Variants in ARNT observed in about 807,000 individuals in gnomAD.
The protein encoded by ARNT is class E basic helix-loop-helix protein 2.
A neutral mutation model predicts 105.0 loss-of-function variants in ARNT; 30 were observed. The ratio of observed to expected loss-of-function variants is 0.29; its 90% CI spans 0.21 to 0.39. The LOEUF is 0.39. Ranked by LOEUF, ARNT falls within the 10% of genes least tolerant of loss-of-function variation. The pLI, the probability that ARNT is intolerant of heterozygous loss-of-function variation, is 1.00. For missense variants in ARNT, 748 were observed against 978.7 expected (o/e 0.76, Z 3.15); for synonymous variants, 304 against 344.0 (o/e 0.88, Z 1.29).
chr1:150,829,531 C>A, intron 11 of ARNT: 1 of 598,476 alleles, frequency 1.7e-6, no homozygotes, highest in Non-Finnish European at 3.1e-6. Context: ...TACAAGTAAC[C>A]AAGAAACTTA....
intron 1 of ARNT, 53 bp from the exon 2 acceptor site, chr1:150,858,513 C>G: frequency 7.5e-7 from 1 of 1,332,110 alleles, no homozygotes; most frequent in Non-Finnish European, 1.1e-6. Flanking sequence ...CCTTGCTTAT[C>G]ATCAGTATCA....
intron 14 of ARNT, 83 bp from the exon 15 acceptor site, chr1:150,818,113 G>A (rs1656329415): frequency 3.1e-6 from 3 of 975,652 alleles, no homozygotes; most frequent in Non-Finnish European, 4.7e-6. Flanking sequence ...ATAAGATTCT[G>A]TATGTAAAGC....
intron 1 of ARNT, 75 bp downstream of exon 1, chr1:150,876,468 A>G: frequency 6.6e-7 from 1 of 1,516,424 alleles, no homozygotes; most frequent in South Asian, 1.2e-5. Context: ...GCGTCCCCTC[A>G]GCCCTGGGTC....
chr1:150,817,090 A>G lies in ARNT; in HGVS notation c.1691T>C (p.Ile564Thr). ...DPRFSEIYHN[I>T]NADQSKGISS... ...ATGAGAAAGAAACATACCCGCATTG[A>G]TGTTGTGATAGATTTCTGAAAATCT... The change falls in exon 17 of 22, where the codon ATC becomes ACC. Residue 564 changes from isoleucine (I) to threonine (T), a missense_variant. Coordinates refer to ENST00000358595, the MANE Select transcript of ARNT (RefSeq NM_001668.4). The G allele has an allele frequency of 6.2e-7, 1 of 1,614,174 alleles. No homozygotes were observed. Among genetic ancestry groups the G allele is most frequent in the Non-Finnish European group, 8.5e-7 (1 of 1,180,036 alleles).
intron 1 of ARNT, among the ~76,000 whole-genome samples, chr1:150,862,712 T>TAA (rs56147665): frequency 0.23 from 15,213 of 66,392 alleles, 2,232 homozygotes; most frequent in South Asian, 0.38. Context: ...CCTGCCTCTG[T>TAA]AAAAAAAAAA....
intron 6 of ARNT, among the ~76,000 whole-genome samples, chr1:150,837,772 G>C (rs1018629292): frequency 2.0e-5 from 3 of 151,778 alleles, no homozygotes; most frequent in Non-Finnish European, 4.4e-5. Flanking sequence ...CAGCAGACTT[G>C]AATTTCAAGT....
Position 150,840,330 on chromosome 1 carries a change from T to C in ARNT, c.273-676A>G, listed in dbSNP as rs1177583654. On this transcript the variant is annotated intron_variant, in intron 5 of 21. Transcript: ENST00000358595. ...CTCACTTAAGTTCCTATGGAACATA[T>C]AACCTCAGCTTGGTTAACTCCCATG... 7.2e-5 allele frequency among the ~76,000 whole-genome samples: 11 copies of C among 152,186 alleles called. No individual in the cohort carries two copies. In the East Asian group the frequency reaches 1.9e-3, roughly 27 times the overall value.
At chr1:150,860,118 T>C (rs1021529919) in intron 1 of ARNT, among the ~76,000 whole-genome samples, 1 of 152,060 alleles carries the variant, frequency 6.6e-6, no homozygotes, top group African/African-American at 2.4e-5. Flanking sequence ...ATCTCATTGT[T>C]TTTTGTTAGT....
At chr1:150,831,715 A>C in intron 10 of ARNT, 103 bp downstream of exon 10, 1 of 737,396 alleles carries the variant, frequency 1.4e-6, no homozygotes, top group Non-Finnish European at 2.2e-6. Context: ...TCTTACACAA[A>C]AGTACATTTC....
At chr1:150,816,205 A>G in intron 19 of ARNT, 54 bp downstream of exon 19, 1 of 1,549,506 alleles carries the variant, frequency 6.5e-7, no homozygotes, top group East Asian at 2.4e-5. Flanking sequence ...TACGGAAAAA[A>G]GCCCAAACAA....
intron 3 of ARNT, 109 bp downstream of exon 3, chr1:150,852,653 T>G: frequency 1.1e-6 from 1 of 916,792 alleles, no homozygotes; most frequent in Non-Finnish European, 1.7e-6. Context: ...AGTTTTAGGA[T>G]GAAGTACTCT....
chr1:150,867,427 T>C (rs1402341763), intron 1 of ARNT, among the ~76,000 whole-genome samples: 2 of 149,652 alleles, frequency 1.3e-5, no homozygotes, highest in Non-Finnish European at 3.0e-5. Flanking sequence ...GGCACACACC[T>C]GTAGTCCAGC....
chr1:150,824,757 G>C (rs1046432987), intron 13 of ARNT, among the ~76,000 whole-genome samples: 1 of 151,920 alleles, frequency 6.6e-6, no homozygotes, highest in African/African-American at 2.4e-5. Flanking sequence ...ACCCAGATGA[G>C]AGCATCTGTT....
intron 13 of ARNT, among the ~76,000 whole-genome samples, chr1:150,824,563 C>T (rs1657801106): frequency 6.6e-6 from 1 of 150,806 alleles, no homozygotes; most frequent in Admixed American, 6.6e-5. Flanking sequence ...AAGTGATTCT[C>T]CTGCCTCAGC....
chr1:150,865,925 A>G (rs1666497010), intron 1 of ARNT, among the ~76,000 whole-genome samples: 1 of 151,794 alleles, frequency 6.6e-6, no homozygotes, highest in Admixed American at 6.6e-5. Flanking sequence ...TTGCCTAGCT[A>G]TGGAATTCTA....
intron 1 of ARNT, among the ~76,000 whole-genome samples, chr1:150,859,406 G>C (rs1017333797): frequency 6.6e-6 from 1 of 151,140 alleles, no homozygotes; most frequent in African/African-American, 2.4e-5. Flanking sequence ...GAGTACAGTG[G>C]CATGATCATG....
intron 5 of ARNT, among the ~76,000 whole-genome samples, chr1:150,841,581 G>A (rs993902156): frequency 2.0e-5 from 3 of 151,964 alleles, no homozygotes; most frequent in African/African-American, 7.3e-5. Flanking sequence ...GTAAAAATGG[G>A]TATTGGCATC....
At chr1:150,823,945 C>T (rs1485035418) in intron 13 of ARNT, among the ~76,000 whole-genome samples, 24 of 150,982 alleles carry the variant, frequency 1.6e-4, no homozygotes, top group African/African-American at 4.9e-4. Context: ...CTGGTTCAAG[C>T]GATTCTCCTG....
At chr1:150,862,952 G>A (rs1665910601) in intron 1 of ARNT, among the ~76,000 whole-genome samples, 1 of 151,214 alleles carries the variant, frequency 6.6e-6, no homozygotes, top group Admixed American at 6.6e-5. Context: ...TCGGGAGGCT[G>A]AGGCAGAAGA....
Sources: gnomAD v4.1 joint callset for allele counts (sites outside exome capture counted in the v4.1 genomes callset) on GRCh38, gnomAD v4.1.1 for gene constraint, MANE v1.5 for transcripts, NCBI Gene and HGNC (gene_info 2026-07-23, HGNC 2026-07-21) for gene names.